Variants in WNT4 observed in about 807,000 individuals in gnomAD.
WNT4 encodes the protein Wnt family member 4.
In WNT4, 16 loss-of-function variants were observed where a neutral mutation model predicts 34.5. That is an observed-to-expected ratio of 0.46 (90% CI 0.31 to 0.70). The LOEUF (loss-of-function observed/expected upper bound fraction) is 0.70, where lower values mean the gene tolerates loss of function less well. WNT4 is among the 30% of genes least tolerant of loss of function. The pLI, the probability that WNT4 is intolerant of heterozygous loss-of-function variation, is 0.04. For synonymous variants in WNT4, 200 were observed against 211.9 expected (o/e 0.94, Z 0.49); for missense variants, 379 against 495.9 (o/e 0.76, Z 2.24).
chr1:22,133,273 C>T (rs1645997361), intron 1 of WNT4, among the ~76,000 whole-genome samples: 1 of 152,256 alleles, frequency 6.6e-6, no homozygotes, highest in East Asian at 1.9e-4. Flanking sequence ...GGGGTTCCCT[C>T]TGCTTCCCTC....
At chr1:22,138,426 CAA>C (rs1456208090) in intron 1 of WNT4, among the ~76,000 whole-genome samples, 1 of 151,760 alleles carries the variant, frequency 6.6e-6, no homozygotes, top group Non-Finnish European at 1.5e-5. Context: ...GGACATTTGG[CAA>C]AGTCTGCAGA....
rs527882413 is a variant in WNT4 at position 22,142,681 on chromosome 1, G to A, written c.77+165C>T. Among the ~76,000 whole-genome samples, 74 of 151,682 alleles carry A rather than the reference G, an allele frequency of 4.9e-4. No homozygotes were observed. Among genetic ancestry groups the A allele is most frequent in the African/African-American group, 1.8e-3 (73 of 41,492 alleles). On this transcript the variant is annotated intron_variant, in intron 1 of 4. Transcript: ENST00000290167. The surrounding 1 kb of genome is among the most constrained non-coding windows in gnomAD (Gnocchi z 6.0). ...GGGGACCCCGGGTGTGCAGAGGGAC[G>A]TTCGGGCCGTGGCGGCGGCAGCGGA...
rs1645895724 is a variant in WNT4 at position 22,121,275 on chromosome 1, C to T, written c.524G>A (p.Arg175Lys). ...TCTGCTGGACGAGGCCCCCTTGCTT[C>T]TCTCCCGCACATCCACAAACGACTG... ...FSQSFVDVRERSKGASSSRAL... is the reference protein window; with the variant it reads ...FSQSFVDVREKSKGASSSRAL... The change falls in exon 4 of 5, where the codon AGA becomes AAA. Residue 175 changes from arginine to lysine, a missense_variant. By Grantham distance (26) the Arg-to-Lys change is conservative. Transcript: ENST00000290167. 4 of 1,614,190 alleles carry T rather than the reference C, an allele frequency of 2.5e-6. No individual in the cohort carries two copies. The highest frequency in any genetic ancestry group is 2.5e-6 in the Non-Finnish European group (3 of 1,180,026).
intron 2 of WNT4, among the ~76,000 whole-genome samples, chr1:22,123,789 C>T (rs1645920575): frequency 6.6e-6 from 1 of 152,168 alleles, no homozygotes; most frequent in Admixed American, 6.5e-5. Flanking sequence ...CAGTTGATTC[C>T]ACCTCCCACA....
intron 2 of WNT4, among the ~76,000 whole-genome samples, chr1:22,128,009 TG>T (rs1417952715): frequency 5.3e-5 from 8 of 152,222 alleles, no homozygotes; most frequent in Non-Finnish European, 1.0e-4. Flanking sequence ...CCCAGGCTCA[TG>T]GGCTGCTGTT....
Position 22,134,823 on chromosome 1 carries a change from A to G in WNT4, c.78-4972T>C, listed in dbSNP as rs1332438184. ...CTCTGCTGCACCCCAGACCAGACCC[A>G]TGCTGACTTCTGCTCATTTGTGTGT... On this transcript the variant is annotated intron_variant, in intron 1 of 4. Transcript: ENST00000290167. This position sits in a 1 kb window ranked among gnomAD's most constrained non-coding sequence, Gnocchi z 4.1. Among the ~76,000 whole-genome samples the G allele has an allele frequency of 6.6e-6, 1 of 151,970 alleles. No homozygotes were observed. Among genetic ancestry groups the G allele is most frequent in the Non-Finnish European group, 1.5e-5 (1 of 67,970 alleles).
In WNT4 at chr1:22,140,401, C is replaced by T; in HGVS notation, c.77+2445G>A. On this transcript the variant is annotated intron_variant, in intron 1 of 4. Coordinates refer to ENST00000290167, the MANE Select transcript of WNT4 (RefSeq NM_030761.5). The surrounding 1 kb of genome is among the most constrained non-coding windows in gnomAD (Gnocchi z 5.9). ...GGGATTTAGATCATGCTGTGGGAGT[C>T]ATCATAATAATTATTATTGTCATGA... The T allele has an allele frequency of 2.8e-6, 1 of 363,094 alleles. No individual in the cohort carries two copies. The highest frequency in any genetic ancestry group is 3.8e-6 in the Non-Finnish European group (1 of 261,228). 22.5% of individuals were successfully genotyped at this position (363,094 alleles called of 1,614,324 possible). A position where few individuals can be genotyped will look rare whatever the true frequency, so the allele number is the denominator to read the frequency against.
intron 2 of WNT4, chr1:22,127,461 C>T (rs745664234): frequency 1.9e-6 from 1 of 533,304 alleles, no homozygotes; most frequent in East Asian, 5.4e-5. Flanking sequence ...CCACTGTCTC[C>T]TCCATGCCAG....
intron 1 of WNT4, among the ~76,000 whole-genome samples, chr1:22,138,604 G>A (rs1646041182): frequency 6.6e-6 from 1 of 152,242 alleles, no homozygotes; most frequent in African/African-American, 2.4e-5. Flanking sequence ...AAACTGTGAA[G>A]TACTGTGGGG....
At position 22,118,165 on chromosome 1, in the gene WNT4, T is replaced by A. The variant is rs992552305; in HGVS notation, c.*1885A>T. 6.6e-6 allele frequency: 1 copy of A among 152,194 alleles called. No individual in the cohort carries two copies. Among genetic ancestry groups the A allele is most frequent in the Non-Finnish European group, 1.5e-5 (1 of 68,046 alleles). The allele number at this position is 152,194 out of a possible 1,614,324, so 9.4% of individuals were successfully genotyped here. On this transcript the variant is annotated 3_prime_UTR_variant, in exon 5 of 5. Transcript: ENST00000290167. ...CCTCTTTTCATGAGGGAGCCAACAC[T>A]AGGAGGCACAAACCACAATGCCTGG...
intron 1 of WNT4, among the ~76,000 whole-genome samples, chr1:22,132,522 G>A (rs563910851): frequency 1.6e-4 from 25 of 152,332 alleles, no homozygotes; most frequent in African/African-American, 5.5e-4. Context: ...TGGCAGGGTG[G>A]GGAGTGGCCG....
At position 22,143,008 on chromosome 1, in the gene WNT4, G is replaced by A; in HGVS notation, c.-86C>T. Reference sequence around the variant, plus strand: ...GGGCTGCAGGTGGGCGCCCGCGGGCGGGCCGGGGCGCGCGCGGCGGGGCTC... The same window carrying A: ...GGGCTGCAGGTGGGCGCCCGCGGGCAGGCCGGGGCGCGCGCGGCGGGGCTC... On this transcript the variant is annotated 5_prime_UTR_variant, in exon 1 of 5. Coordinates refer to ENST00000290167, the MANE Select transcript of WNT4 (RefSeq NM_030761.5). 3.0e-6 allele frequency: 2 copies of A among 674,310 alleles called. No homozygotes were observed. Among genetic ancestry groups the A allele is most frequent in the Non-Finnish European group, 3.6e-6 (2 of 549,604 alleles). The allele number at this position is 674,310 out of a possible 1,614,324, so 41.8% of individuals were successfully genotyped here. A position where few individuals can be genotyped will look rare whatever the true frequency, so the allele number is the denominator to read the frequency against.
At chr1:22,123,218 C>A (rs989416001) in intron 2 of WNT4, among the ~76,000 whole-genome samples, 2 of 152,118 alleles carry the variant, frequency 1.3e-5, no homozygotes, top group African/African-American at 4.8e-5. Flanking sequence ...GTCGCCTCAG[C>A]CTGGCCTCGC....
At chr1:22,123,662 A>G (rs927588891) in intron 2 of WNT4, among the ~76,000 whole-genome samples, 3 of 152,188 alleles carry the variant, frequency 2.0e-5, no homozygotes, top group Admixed American at 2.0e-4. Context: ...TTGTCCAACA[A>G]TACCCAGCCA....
intron 2 of WNT4, among the ~76,000 whole-genome samples, chr1:22,127,655 G>T (rs1645951157): frequency 6.6e-6 from 1 of 152,190 alleles, no homozygotes; most frequent in African/African-American, 2.4e-5. Flanking sequence ...TAGAAATAGA[G>T]AATAACAAAG....
Position 22,140,207 on chromosome 1 carries a change from A to G in WNT4, c.77+2639T>C, listed in dbSNP as rs2124139315. ...GCCTCCTCATACCTCACACTTGAAA[A>G]GACACAGTGCCAGCCATCATGCCTG... On this transcript the variant is annotated intron_variant, in intron 1 of 4. Coordinates refer to ENST00000290167, the MANE Select transcript of WNT4 (RefSeq NM_030761.5). The surrounding 1 kb of genome is among the most constrained non-coding windows in gnomAD (Gnocchi z 5.9). 5 of 985,428 alleles carry G rather than the reference A, an allele frequency of 5.1e-6. No individual in the cohort carries two copies. The highest frequency in any genetic ancestry group is 6.0e-6 in the Non-Finnish European group (5 of 829,916). The allele number at this position is 985,428 out of a possible 1,614,324, so 61.0% of individuals were successfully genotyped here. A position where few individuals can be genotyped will look rare whatever the true frequency, so the allele number is the denominator to read the frequency against.
intron 2 of WNT4, among the ~76,000 whole-genome samples, chr1:22,126,644 T>C (rs1196142247): frequency 1.3e-5 from 2 of 152,172 alleles, no homozygotes; most frequent in Admixed American, 6.5e-5. Context: ...TTGTCTTCCA[T>C]GTCTGACGCC....
chr1:22,128,953 C>T (rs1444668169), intron 2 of WNT4, among the ~76,000 whole-genome samples: 2 of 151,942 alleles, frequency 1.3e-5, no homozygotes, highest in Admixed American at 6.6e-5. Context: ...ATCTCCTGAC[C>T]TCATGATCCG....
rs1016224349 is a variant in WNT4 at position 22,137,823 on chromosome 1, G to C, written c.77+5023C>G. On this transcript the variant is annotated intron_variant, in intron 1 of 4. Coordinates refer to ENST00000290167, the MANE Select transcript of WNT4 (RefSeq NM_030761.5). The surrounding 1 kb of genome is among the most constrained non-coding windows in gnomAD (Gnocchi z 5.3). Reference sequence around the variant, plus strand: ...AGTGAGGGGCAGAGCAGCAGATCGGGGGGGCAACAGACACACTTCCTGCCA... The same window carrying C: ...AGTGAGGGGCAGAGCAGCAGATCGGCGGGGCAACAGACACACTTCCTGCCA... 6.6e-6 allele frequency among the ~76,000 whole-genome samples: 1 copy of C among 152,170 alleles called. No individual in the cohort carries two copies. The highest frequency in any genetic ancestry group is 1.5e-5 in the Non-Finnish European group (1 of 68,030).
Sources: gnomAD v4.1 joint callset for allele counts (sites outside exome capture counted in the v4.1 genomes callset) on GRCh38, gnomAD v4.1.1 for gene constraint, Gnocchi (gnomAD v3.1) non-coding constraint, MANE v1.5 for transcripts, NCBI Gene and HGNC (gene_info 2026-07-23, HGNC 2026-07-21) for gene names.